Variants in CMTM8 observed in about 807,000 individuals in gnomAD.
The protein encoded by CMTM8 is CKLF-like MARVEL transmembrane domain-containing protein 8.
CMTM8 carries 12 observed loss-of-function variants against 18.6 expected under a neutral mutation model. The observed-to-expected ratio is 0.65, with a 90% CI of 0.41 to 1.05. CMTM8 has a LOEUF of 1.05. Ranked by LOEUF, CMTM8 falls within the 50% of genes least tolerant of loss-of-function variation. The pLI is 0.00. For synonymous variants in CMTM8, 87 were observed against 90.6 expected (o/e 0.96, Z 0.23); for missense variants, 217 against 227.2 (o/e 0.95, Z 0.29).
intron 2 of CMTM8, among the ~76,000 whole-genome samples, chr3:32,364,314 C>T (rs1332999314): frequency 1.3e-5 from 2 of 152,162 alleles, no homozygotes; most frequent in East Asian, 3.9e-4. Flanking sequence ...ACCATCTTGG[C>T]TAACCCAGTG....
intron 1 of CMTM8, among the ~76,000 whole-genome samples, chr3:32,354,851 C>T (rs1010793246): frequency 7.2e-5 from 11 of 152,222 alleles, no homozygotes; most frequent in African/African-American, 2.7e-4. Flanking sequence ...CTGTCAGAGT[C>T]AATTCGGGCC....
intron 1 of CMTM8, among the ~76,000 whole-genome samples, chr3:32,241,744 A>G (rs960877628): frequency 1.3e-5 from 2 of 152,230 alleles, no homozygotes; most frequent in Non-Finnish European, 2.9e-5. Context: ...GATTTGGGTT[A>G]GATCAGCAGC....
intron 1 of CMTM8, among the ~76,000 whole-genome samples, chr3:32,280,517 G>T (rs1702590319): frequency 6.6e-6 from 1 of 152,052 alleles, no homozygotes; most frequent in Non-Finnish European, 1.5e-5. Flanking sequence ...ATTTACATAG[G>T]CTGTAACCAA....
chr3:32,274,084 C>T (rs1469209356), intron 1 of CMTM8, among the ~76,000 whole-genome samples: 2 of 151,968 alleles, frequency 1.3e-5, no homozygotes, highest in South Asian at 2.1e-4. Context: ...CTGAGATAGG[C>T]GAATCACTTG....
At chr3:32,328,950 GAAGA>G (rs1439717244) in intron 1 of CMTM8, among the ~76,000 whole-genome samples, 5 of 152,116 alleles carry the variant, frequency 3.3e-5, no homozygotes, top group African/African-American at 4.8e-5. Context: ...ACAAAAAATT[GAAGA>G]GAGAATGCTT....
chr3:32,240,852 A>G (rs1196307796), intron 1 of CMTM8, among the ~76,000 whole-genome samples: 2 of 152,180 alleles, frequency 1.3e-5, no homozygotes, highest in Non-Finnish European at 2.9e-5. Flanking sequence ...CGGTGGCACC[A>G]TCATGGTTCA....
At chr3:32,346,606 G>C (rs1480757322) in intron 1 of CMTM8, among the ~76,000 whole-genome samples, 1 of 8,202 alleles carries the variant, frequency 1.2e-4, no homozygotes, top group Non-Finnish European at 7.4e-3. Context: ...AGCATGAGAG[G>C]AAGCTCTCTT....
At chr3:32,351,763 T>C (rs80027658) in intron 1 of CMTM8, among the ~76,000 whole-genome samples, 1,627 of 151,958 alleles carry the variant, frequency 0.011, 28 homozygotes, top group African/African-American at 0.038. Flanking sequence ...AAAGACTCTA[T>C]GACTTTGAAA....
At chr3:32,279,063 T>A (rs1176333037) in intron 1 of CMTM8, among the ~76,000 whole-genome samples, 1 of 152,230 alleles carries the variant, frequency 6.6e-6, no homozygotes, top group African/African-American at 2.4e-5. Context: ...CTCAGTGTCT[T>A]GGCTGTGCTT....
At chr3:32,261,088 G>A (rs531974340) in intron 1 of CMTM8, among the ~76,000 whole-genome samples, 9 of 151,920 alleles carry the variant, frequency 5.9e-5, no homozygotes, top group East Asian at 1.9e-4. Flanking sequence ...CAGGTGTGGC[G>A]GTGCATGACT....
intron 1 of CMTM8, among the ~76,000 whole-genome samples, chr3:32,348,749 C>A (rs990860142): frequency 6.6e-6 from 1 of 152,006 alleles, no homozygotes; most frequent in Non-Finnish European, 1.5e-5. Flanking sequence ...AGTCCATCCA[C>A]CTCGGCCTCC....
At chr3:32,267,921 G>A (rs1053455076) in intron 1 of CMTM8, among the ~76,000 whole-genome samples, 1 of 152,146 alleles carries the variant, frequency 6.6e-6, no homozygotes, top group African/African-American at 2.4e-5. Context: ...AGTTAGAATG[G>A]CGATCATTAA....
At chr3:32,329,434 A>G (rs1696229197) in intron 1 of CMTM8, among the ~76,000 whole-genome samples, 1 of 152,242 alleles carries the variant, frequency 6.6e-6, no homozygotes, top group Admixed American at 6.5e-5. Flanking sequence ...ATATGTGTTC[A>G]ACTGGGATTT....
At chr3:32,267,202 C>G (rs979551721) in intron 1 of CMTM8, among the ~76,000 whole-genome samples, 3 of 152,100 alleles carry the variant, frequency 2.0e-5, no homozygotes, top group African/African-American at 7.2e-5. Context: ...TTCAAGCTAT[C>G]CTACAAGGCT....
At chr3:32,307,564 A>G (rs1695739877) in intron 1 of CMTM8, among the ~76,000 whole-genome samples, 2 of 152,152 alleles carry the variant, frequency 1.3e-5, no homozygotes, top group Non-Finnish European at 2.9e-5. Context: ...GGCAAGGCAG[A>G]GATGGCCAGA....
intron 1 of CMTM8, among the ~76,000 whole-genome samples, chr3:32,289,533 G>A (rs1363873624): frequency 6.6e-6 from 1 of 152,178 alleles, no homozygotes; most frequent in South Asian, 2.1e-4. Context: ...CAGGCTAGGA[G>A]AGGGGAGAGA....
At chr3:32,274,136 C>G (rs191400742) in intron 1 of CMTM8, among the ~76,000 whole-genome samples, 1 of 151,820 alleles carries the variant, frequency 6.6e-6, no homozygotes, top group Non-Finnish European at 1.5e-5. Flanking sequence ...ATGGCAAGAC[C>G]CGGTCTCTAC....
intron 1 of CMTM8, among the ~76,000 whole-genome samples, chr3:32,319,074 A>ATATATATTT: frequency 9.5e-5 from 3 of 31,524 alleles, no homozygotes; most frequent in East Asian, 3.1e-3. Flanking sequence ...ATATATATAT[A>ATATATATTT]TTTTTTTTTT....
chr3:32,342,881 A>T (rs1239142672), intron 1 of CMTM8, among the ~76,000 whole-genome samples: 1 of 152,078 alleles, frequency 6.6e-6, no homozygotes, highest in African/African-American at 2.4e-5. Context: ...GTCCTCCCAC[A>T]CCCTAGGAGG....
Sources: gnomAD v4.1 joint callset for allele counts (sites outside exome capture counted in the v4.1 genomes callset) on GRCh38, gnomAD v4.1.1 for gene constraint, MANE v1.5 for transcripts, NCBI Gene and HGNC (gene_info 2026-07-23, HGNC 2026-07-21) for gene names.